The following GALNT18 variants were observed in gnomAD, a reference collection of about 807,000 sequenced individuals.
GALNT18 encodes the protein polypeptide N-acetylgalactosaminyltransferase 18.
In GALNT18, 44 loss-of-function variants were observed where a neutral mutation model predicts 69.5. That is an observed-to-expected ratio of 0.63 (90% CI 0.50 to 0.81). GALNT18 has a LOEUF of 0.81. GALNT18 is among the 40% of genes least tolerant of loss of function. GALNT18 has a pLI of 0.00. For missense variants in GALNT18, 715 were observed against 810.0 expected, an observed-to-expected ratio of 0.88 and a Z score of 1.42; for synonymous variants, 364 against 318.2, an observed-to-expected ratio of 1.14 and a Z score of -1.53.
intron 1 of GALNT18, among the ~76,000 whole-genome samples, chr11:11,568,690 A>G (rs1858711272): frequency 2.0e-5 from 3 of 152,048 alleles, no homozygotes; most frequent in Non-Finnish European, 4.4e-5. Flanking sequence ...CTGGATTTGG[A>G]TTCAGGCTAA....
At position 11,595,896 on chromosome 11, in the gene GALNT18, C is replaced by T. The variant is rs1174829732; in HGVS notation, c.235+25463G>A. ...TGATATACAAAGTTTTAAATTTGAT[C>T]AAATCCAATTTATCCATTTTTTTTT... On this transcript the variant is annotated intron_variant, in intron 1 of 10. Coordinates refer to ENST00000227756, the MANE Select transcript of GALNT18 (RefSeq NM_198516.3). The surrounding 1 kb of genome is among the most constrained non-coding windows in gnomAD (Gnocchi z 5.2). 6.6e-6 allele frequency among the ~76,000 whole-genome samples: 1 copy of T among 151,844 alleles called. No individual in the cohort carries two copies. Among genetic ancestry groups the T allele is most frequent in the East Asian group, 1.9e-4 (1 of 5,188 alleles).
chr11:11,409,617 C>G (rs1854681930), intron 3 of GALNT18, among the ~76,000 whole-genome samples: 1 of 151,154 alleles, frequency 6.6e-6, no homozygotes, highest in African/African-American at 2.4e-5. Flanking sequence ...CAGCTCCATG[C>G]TCTCCCCAGT....
chr11:11,621,354 C>T lies in GALNT18; in HGVS notation c.235+5G>A, dbSNP rs368322626. On this transcript the variant is annotated splice_donor_5th_base_variant and intron_variant, in intron 1 of 10. Transcript: ENST00000227756. The surrounding 1 kb of genome is among the most constrained non-coding windows in gnomAD (Gnocchi z 9.3). ...GGGCGACCCAAGTTTCCGGGGCGCC[C>T]GTACCTTGAATGTGCTGCTTGATGA... 2 of 1,612,498 alleles carry T rather than the reference C, an allele frequency of 1.2e-6. No homozygotes were observed. The highest frequency in any genetic ancestry group is 1.7e-6 in the Non-Finnish European group (2 of 1,178,896).
intron 10 of GALNT18, among the ~76,000 whole-genome samples, chr11:11,273,835 A>G (rs1848878068): frequency 6.6e-6 from 1 of 152,194 alleles, no homozygotes; most frequent in African/African-American, 2.4e-5. Context: ...TATGTGGTAT[A>G]TACACAGGAT....
intron 6 of GALNT18, among the ~76,000 whole-genome samples, chr11:11,343,901 A>G (rs1243318299): frequency 2.6e-5 from 4 of 152,138 alleles, no homozygotes; most frequent in Non-Finnish European, 5.9e-5. Context: ...TAGACACGGT[A>G]CAAGGAGCGG....
intron 1 of GALNT18, among the ~76,000 whole-genome samples, chr11:11,570,951 C>CA (rs1259816437): frequency 6.6e-6 from 1 of 152,186 alleles, no homozygotes; most frequent in Non-Finnish European, 1.5e-5. Flanking sequence ...GTATTAGTAA[C>CA]AGTTAACATC....
At position 11,563,947 on chromosome 11, in the gene GALNT18, G is replaced by A. The variant is rs1229585548; in HGVS notation, c.235+57412C>T. ...GATAGAGGAAAAAATGCAGAGAGAA[G>A]GATATAAAGAGCTATGCTGATCTGA... On this transcript the variant is annotated intron_variant, in intron 1 of 10. Transcript: ENST00000227756. The surrounding 1 kb of genome is among the most constrained non-coding windows in gnomAD (Gnocchi z 4.6). Among the ~76,000 whole-genome samples, 1 of 152,102 alleles carries A rather than the reference G, an allele frequency of 6.6e-6. No homozygotes were observed. The highest frequency in any genetic ancestry group is 1.5e-5 in the Non-Finnish European group (1 of 68,032).
At chr11:11,434,127 C>G (rs1855342343) in intron 2 of GALNT18, among the ~76,000 whole-genome samples, 1 of 152,134 alleles carries the variant, frequency 6.6e-6, no homozygotes, top group African/African-American at 2.4e-5. Flanking sequence ...GGGCCCCAGC[C>G]TGCTTAAGAG....
intron 6 of GALNT18, among the ~76,000 whole-genome samples, chr11:11,357,993 A>C (rs12800079): frequency 1.6e-4 from 24 of 152,120 alleles, no homozygotes; most frequent in Non-Finnish European, 3.2e-4. Context: ...CCTTTCCCTA[A>C]CATCTGTGAT....
chr11:11,515,868 G>A lies in GALNT18; in HGVS notation c.236-66932C>T, dbSNP rs572650179. Among the ~76,000 whole-genome samples the A allele has an allele frequency of 2.7e-3, 410 of 152,348 alleles. 2 individuals carry two copies. Among genetic ancestry groups the A allele is most frequent in the Non-Finnish European group, 2.1e-3 (144 of 68,034 alleles). ...GGCCAGGTAGCACGGCCCCATGAGG[G>A]AGAGAGGTAGTGGGAGGAGAGGTGG... On this transcript the variant is annotated intron_variant, in intron 1 of 10. Transcript: ENST00000227756.
At chr11:11,484,186 C>T (rs1183503211) in intron 1 of GALNT18, among the ~76,000 whole-genome samples, 1 of 152,212 alleles carries the variant, frequency 6.6e-6, no homozygotes, top group Admixed American at 6.5e-5. Context: ...GTGCTGGAGT[C>T]AGGCTGCTCA....
chr11:11,327,490 T>C (rs1241500584), intron 8 of GALNT18, among the ~76,000 whole-genome samples: 1 of 152,232 alleles, frequency 6.6e-6, no homozygotes, highest in Admixed American at 6.5e-5. Context: ...TCCTCAGGGG[T>C]GGGACAACAG....
Position 11,327,188 on chromosome 11 carries a change from A to T in GALNT18, c.1417-7T>A, listed in dbSNP as rs1437210607. On this transcript the variant is annotated splice_region_variant and splice_polypyrimidine_tract_variant and intron_variant, in intron 8 of 10. Coordinates refer to ENST00000227756, the MANE Select transcript of GALNT18 (RefSeq NM_198516.3). ...TCTTCAGAGAATTCTGCAGCTGAAC[A>T]TCAGAGAACAGATGGCCACACCAAA... The T allele has an allele frequency of 1.2e-6, 2 of 1,602,408 alleles. No individual in the cohort carries two copies. Among genetic ancestry groups the T allele is most frequent in the Non-Finnish European group, 1.7e-6 (2 of 1,169,222 alleles).
intron 8 of GALNT18, among the ~76,000 whole-genome samples, chr11:11,329,675 T>G (rs1420616706): frequency 6.6e-6 from 1 of 152,242 alleles, no homozygotes; most frequent in Non-Finnish European, 1.5e-5. Context: ...GTCATCAGAC[T>G]GGGTCTCAGT....
In GALNT18 at chr11:11,339,212, C is replaced by T. The variant is rs1295300406; in HGVS notation, c.1278+1607G>A. Among the ~76,000 whole-genome samples the T allele has an allele frequency of 2.6e-5, 4 of 152,178 alleles. No homozygotes were observed. Among genetic ancestry groups the T allele is most frequent in the African/African-American group, 9.7e-5 (4 of 41,440 alleles). On this transcript the variant is annotated intron_variant, in intron 7 of 10. Coordinates refer to ENST00000227756, the MANE Select transcript of GALNT18 (RefSeq NM_198516.3). This position sits in a 1 kb window ranked among gnomAD's most constrained non-coding sequence, Gnocchi z 5.2. Reference sequence around the variant, plus strand: ...TAAGGCTTTATCCTGGGCAATTCCACCTCTTACCTGTCTTGTGTTCACTTC... The same window carrying T: ...TAAGGCTTTATCCTGGGCAATTCCATCTCTTACCTGTCTTGTGTTCACTTC...
chr11:11,572,028 C>G (rs1858804498), intron 1 of GALNT18, among the ~76,000 whole-genome samples: 1 of 152,214 alleles, frequency 6.6e-6, no homozygotes, highest in African/African-American at 2.4e-5. Context: ...TCCAGGCTCC[C>G]CCACTGAAGA....
At chr11:11,501,541 A>G (rs1047583231) in intron 1 of GALNT18, among the ~76,000 whole-genome samples, 4 of 152,176 alleles carry the variant, frequency 2.6e-5, no homozygotes, top group Non-Finnish European at 5.9e-5. Flanking sequence ...ATTCCAAGAC[A>G]CAATTTGCCT....
At chr11:11,289,367 G>A (rs546764723) in intron 10 of GALNT18, among the ~76,000 whole-genome samples, 82 of 152,278 alleles carry the variant, frequency 5.4e-4, no homozygotes, top group African/African-American at 1.7e-3. Flanking sequence ...AAAGCACTCC[G>A]GGGAGTTTTA....
In GALNT18 at chr11:11,546,182, AC is replaced by A. The variant is rs1004591013; in HGVS notation, c.235+75176del. 6.6e-6 allele frequency among the ~76,000 whole-genome samples: 1 copy of A among 152,044 alleles called. No individual in the cohort carries two copies. Among genetic ancestry groups the A allele is most frequent in the African/African-American group, 2.4e-5 (1 of 41,394 alleles). ...CCAAAGTGAGCCAGTTGTTTGAGCTACCCTTGAGCCACATCATAGTTGGAAG... is the reference window on the plus strand; with the variant it reads ...CCAAAGTGAGCCAGTTGTTTGAGCTACCTTGAGCCACATCATAGTTGGAAG... On this transcript the variant is annotated intron_variant, in intron 1 of 10. Coordinates refer to ENST00000227756, the MANE Select transcript of GALNT18 (RefSeq NM_198516.3). The surrounding 1 kb of genome is among the most constrained non-coding windows in gnomAD (Gnocchi z 5.8).
Sources: gnomAD v4.1 joint callset for allele counts (sites outside exome capture counted in the v4.1 genomes callset) on GRCh38, gnomAD v4.1.1 for gene constraint, Gnocchi (gnomAD v3.1) non-coding constraint, MANE v1.5 for transcripts, NCBI Gene and HGNC (gene_info 2026-07-23, HGNC 2026-07-21) for gene names.